MYO1B: variants seen among roughly 807,000 people sequenced by gnomAD.
MYO1B encodes unconventional myosin-Ib.
MYO1B carries 72 observed loss-of-function variants against 159.7 expected under a neutral mutation model. The ratio of observed to expected loss-of-function variants is 0.45; its 90% CI spans 0.37 to 0.55. The LOEUF (loss-of-function observed/expected upper bound fraction) is 0.55, where lower values mean the gene tolerates loss of function less well. MYO1B is among the 20% of genes least tolerant of loss of function. The probability of loss-of-function intolerance (pLI) is 0.00; values close to 1 mark genes in which losing one functional copy is unlikely to be tolerated. For missense variants in MYO1B, 1,062 were observed against 1,364.8 expected (o/e 0.78, Z 3.50); for synonymous variants, 468 against 473.8 (o/e 0.99, Z 0.16).
At chr2:191,412,390 C>G (rs1418664548) in intron 27 of MYO1B, among the ~76,000 whole-genome samples, 2 of 152,180 alleles carry the variant, frequency 1.3e-5, no homozygotes, top group Non-Finnish European at 2.9e-5. Flanking sequence ...AGCCTGTTAG[C>G]ATTTTTATAA....
At chr2:191,314,963 T>C (rs1203198690) in intron 3 of MYO1B, among the ~76,000 whole-genome samples, 1 of 152,230 alleles carries the variant, frequency 6.6e-6, no homozygotes. Flanking sequence ...GATTTTTTAT[T>C]CTGCTGAACC....
intron 3 of MYO1B, among the ~76,000 whole-genome samples, chr2:191,319,621 A>T (rs928083278): frequency 6.6e-6 from 1 of 152,156 alleles, no homozygotes; most frequent in Admixed American, 6.6e-5. Flanking sequence ...GTATGGCAGG[A>T]TGTTGAGCCT....
Position 191,402,694 on chromosome 2 carries a change from T to G in MYO1B, c.2532T>G (p.Ile844Met), listed in dbSNP as rs1170930408. The G allele has an allele frequency of 1.9e-6, 3 of 1,613,468 alleles. No individual in the cohort carries two copies. Among genetic ancestry groups the G allele is most frequent in the Admixed American group, 3.3e-5 (2 of 59,968 alleles). Reference protein sequence around the residue: ...EARRKHAVAVIWAYWLGLKVR... With the variant: ...EARRKHAVAVMWAYWLGLKVR... ...GGCGTAAGCATGCAGTTGCTGTCAT[T>G]TGGGCTTACTGGCTTGGACTGAAGG... is the stretch of plus-strand genomic sequence containing the variant. The change falls in exon 24 of 31, where the codon ATT (isoleucine) becomes ATG (methionine). Residue 844 changes from isoleucine to methionine, a missense_variant. This residue lies in a region of MYO1B where 609 missense variants were observed against 744.4 expected (regional missense o/e 0.82). Coordinates refer to ENST00000392318, the MANE Select transcript of MYO1B (RefSeq NM_001130158.3).
At position 191,276,911 on chromosome 2, in the gene MYO1B, G is replaced by A; in HGVS notation, c.16G>A (p.Val6Met). 1 of 1,609,762 alleles carries A rather than the reference G, an allele frequency of 6.2e-7. No homozygotes were observed. The highest frequency in any genetic ancestry group is 1.1e-5 in the South Asian group (1 of 90,410). Residue 6 changes from valine to methionine, a missense_variant, in exon 2 of 31, where the codon GTG (valine) becomes ATG (methionine). Around this residue, in one of 5 missense-constraint regions of MYO1B, gnomAD observed 415 missense variants for 544.0 expected, o/e 0.76. Coordinates refer to ENST00000392318, the MANE Select transcript of MYO1B (RefSeq NM_001130158.3). ...GCTGGAGACCATGGCCAAAATGGAG[G>A]TGAAAACCTCACTTCTGGACAATAT... MAKMEVKTSLLDNMIG... is the reference protein window; with the variant it reads MAKMEMKTSLLDNMIG...
intron 3 of MYO1B, among the ~76,000 whole-genome samples, chr2:191,309,352 AC>A (rs2125855573): frequency 6.6e-6 from 1 of 151,716 alleles, no homozygotes; most frequent in East Asian, 1.9e-4. Flanking sequence ...CCAGGCCACT[AC>A]CCTCCTTTGC....
chr2:191,378,094 A>ACT (rs993209548), intron 13 of MYO1B, among the ~76,000 whole-genome samples: 2 of 151,180 alleles, frequency 1.3e-5, no homozygotes, highest in African/African-American at 4.9e-5. Context: ...CCAGGAGAAT[A>ACT]CTCTCTCCTT....
At chr2:191,291,095 T>C (rs989560466) in intron 2 of MYO1B, among the ~76,000 whole-genome samples, 13 of 152,234 alleles carry the variant, frequency 8.5e-5, no homozygotes, top group Non-Finnish European at 1.5e-5. Flanking sequence ...AACTTTCTTA[T>C]AGAATAAAAC....
chr2:191,326,768 ATATGTGTGTGTGTG>A (rs1377733603), intron 3 of MYO1B, among the ~76,000 whole-genome samples: 2 of 109,122 alleles, frequency 1.8e-5, no homozygotes, highest in African/African-American at 3.7e-5. Context: ...GTGTTTGTAT[ATATGTGTGTGTGTG>A]TGTGTGTGTG....
chr2:191,247,779 G>C (rs1178090082), intron 1 of MYO1B, among the ~76,000 whole-genome samples: 1 of 152,224 alleles, frequency 6.6e-6, no homozygotes, highest in Non-Finnish European at 1.5e-5. Flanking sequence ...TGCTACTGGA[G>C]ATGTGGACAG....
chr2:191,372,490 A>G (rs755810569), intron 13 of MYO1B, among the ~76,000 whole-genome samples: 31 of 152,250 alleles, frequency 2.0e-4, no homozygotes, highest in Non-Finnish European at 4.0e-4. Context: ...ACCAGATACC[A>G]GTAGTAAACA....
At chr2:191,308,385 G>T (rs1034969678) in intron 3 of MYO1B, among the ~76,000 whole-genome samples, 7 of 152,294 alleles carry the variant, frequency 4.6e-5, no homozygotes, top group Middle Eastern at 3.4e-3. Context: ...CCAGGTTATT[G>T]TTGGAGTTTC....
At chr2:191,260,480 T>A (rs1234774029) in intron 1 of MYO1B, among the ~76,000 whole-genome samples, 2 of 151,946 alleles carry the variant, frequency 1.3e-5, no homozygotes, top group African/African-American at 4.8e-5. Flanking sequence ...AGTAGTCTAT[T>A]GAAATATATC....
chr2:191,257,528 T>C (rs1686528164), intron 1 of MYO1B, among the ~76,000 whole-genome samples: 1 of 152,214 alleles, frequency 6.6e-6, no homozygotes, highest in Admixed American at 6.5e-5. Context: ...GCCCATTGAT[T>C]TTAATCACTG....
chr2:191,266,859 G>T (rs1414341110), intron 1 of MYO1B, among the ~76,000 whole-genome samples: 2 of 152,168 alleles, frequency 1.3e-5, no homozygotes, highest in South Asian at 2.1e-4. Flanking sequence ...AGTCTAGATG[G>T]TATATTTTGT....
chr2:191,422,385 C>T (rs990712770), intron 30 of MYO1B, among the ~76,000 whole-genome samples: 2 of 152,112 alleles, frequency 1.3e-5, no homozygotes, highest in African/African-American at 4.8e-5. Flanking sequence ...CTCGCAGCAC[C>T]AGCACAGGGA....
intron 1 of MYO1B, among the ~76,000 whole-genome samples, chr2:191,247,378 G>T (rs961913252): frequency 6.6e-6 from 1 of 152,202 alleles, no homozygotes; most frequent in Admixed American, 6.5e-5. Context: ...AGCTTGCTGT[G>T]GGGGAAAAAA....
intron 11 of MYO1B, among the ~76,000 whole-genome samples, chr2:191,366,230 C>T (rs1347265175): frequency 6.6e-6 from 1 of 152,154 alleles, no homozygotes; most frequent in Non-Finnish European, 1.5e-5. Context: ...CTTTTTTAAT[C>T]ATCCTGTATG....
chr2:191,358,104 CT>C (rs1161496254), intron 7 of MYO1B, among the ~76,000 whole-genome samples: 2 of 150,884 alleles, frequency 1.3e-5, no homozygotes, highest in Non-Finnish European at 1.5e-5. Flanking sequence ...AAGGACATTG[CT>C]TTTTTTTTGG....
At chr2:191,247,225 A>T (rs1304473392) in intron 1 of MYO1B, among the ~76,000 whole-genome samples, 1 of 152,206 alleles carries the variant, frequency 6.6e-6, no homozygotes, top group Non-Finnish European at 1.5e-5. Context: ...CTGTTGTAGT[A>T]GTCTGGCTGC....
Sources: allele counts gnomAD v4.1 joint callset (sites outside exome capture counted in the v4.1 genomes callset), GRCh38; gene constraint gnomAD v4.1.1; regional missense constraint gnomAD v4.1.1; transcripts MANE v1.5; gene names NCBI Gene and HGNC (gene_info 2026-07-23, HGNC 2026-07-21).